CORIN: variants seen among roughly 807,000 people sequenced by gnomAD.
The protein encoded by CORIN is atrial natriuretic peptide-converting enzyme.
CORIN carries 117 observed loss-of-function variants against 125.3 expected under a neutral mutation model. The ratio of observed to expected loss-of-function variants is 0.93; its 90% CI spans 0.80 to 1.09. CORIN has a LOEUF of 1.09. Ranked by LOEUF, CORIN falls within the 50% of genes least tolerant of loss-of-function variation. CORIN has a pLI of 0.00. For missense variants in CORIN, 1,253 were observed against 1,306.7 expected (o/e 0.96, Z 0.63); for synonymous variants, 450 against 466.4 (o/e 0.96, Z 0.45).
At chr4:47,632,229 A>G (rs1722833708) in intron 16 of CORIN, 1 of 152,228 alleles carries the variant, frequency 6.6e-6, no homozygotes. Flanking sequence ...ACTTCAGTTG[A>G]AGGATAAGGT....
intron 10 of CORIN, among the ~76,000 whole-genome samples, chr4:47,667,073 C>T (rs1257318178): frequency 1.3e-5 from 2 of 152,094 alleles, no homozygotes; most frequent in African/African-American, 4.8e-5. Flanking sequence ...GCAGTTTTCC[C>T]CATACTGTTC....
At position 47,744,011 on chromosome 4, in the gene CORIN, A is replaced by G. The variant is rs368858638; in HGVS notation, c.799+391T>C. ...ATATATTTTGGTTCAATCATATATT[A>G]GAATGCTGTATAACAATGAGAATGA... On this transcript the variant is annotated intron_variant, in intron 5 of 21. Transcript: ENST00000273857. 1.2e-4 allele frequency among the ~76,000 whole-genome samples: 19 copies of G among 152,378 alleles called. 1 individual carries two copies. The South Asian group carries it at 1.4e-3, about 12-fold the overall frequency.
chr4:47,775,099 G>T lies in CORIN; in HGVS notation c.410-11513C>A, dbSNP rs1730230591. On this transcript the variant is annotated intron_variant, in intron 3 of 21. Coordinates refer to ENST00000273857, the MANE Select transcript of CORIN (RefSeq NM_006587.4). Reference sequence around the variant, plus strand: ...TTTCTTTTTAACAATAAAGAAATTAGAGATAGGACAAGATGGCTGACTAGA... The same window carrying T: ...TTTCTTTTTAACAATAAAGAAATTATAGATAGGACAAGATGGCTGACTAGA... Among the ~76,000 whole-genome samples the T allele has an allele frequency of 2.0e-5, 3 of 152,188 alleles. No homozygotes were observed. In the South Asian group the frequency reaches 6.2e-4, roughly 32 times the overall value.
At chr4:47,772,131 G>A (rs1389793030) in intron 3 of CORIN, among the ~76,000 whole-genome samples, 1 of 146,228 alleles carries the variant, frequency 6.8e-6, no homozygotes, top group Non-Finnish European at 1.5e-5. Flanking sequence ...ATAGATAATT[G>A]TCTCTATCTT....
chr4:47,658,442 G>C (rs1449387466), intron 12 of CORIN, among the ~76,000 whole-genome samples: 2 of 152,228 alleles, frequency 1.3e-5, no homozygotes, highest in African/African-American at 4.8e-5. Flanking sequence ...TACCATTCTG[G>C]AGTCTGGAGG....
At chr4:47,746,378 G>C (rs184302784) in intron 4 of CORIN, among the ~76,000 whole-genome samples, 105 of 152,278 alleles carry the variant, frequency 6.9e-4, no homozygotes, top group African/African-American at 2.5e-3. Context: ...AATAAGGAAA[G>C]AAGCACAGAC....
intron 10 of CORIN, 39 bp downstream of exon 10, chr4:47,674,354 C>T: frequency 1.5e-6 from 2 of 1,337,188 alleles, no homozygotes; most frequent in Non-Finnish European, 2.2e-6. Context: ...GAATGCATGC[C>T]CTGACATGGC....
chr4:47,600,164 C>A, intron 21 of CORIN, 50 bp downstream of exon 21: 2 of 1,550,024 alleles, frequency 1.3e-6, no homozygotes, highest in South Asian at 2.4e-5. Flanking sequence ...TAGGAATCCA[C>A]TGAAGTTATT....
chr4:47,767,434 A>G (rs1411866385), intron 3 of CORIN, among the ~76,000 whole-genome samples: 5 of 152,186 alleles, frequency 3.3e-5, no homozygotes, highest in Admixed American at 2.0e-4. Flanking sequence ...GAAAGCTGGT[A>G]TGGCTATTGG....
intron 19 of CORIN, among the ~76,000 whole-genome samples, chr4:47,615,740 T>C (rs561895283): frequency 2.0e-5 from 3 of 152,294 alleles, no homozygotes; most frequent in South Asian, 4.1e-4. Flanking sequence ...TGCCAGTACC[T>C]TGATCCTGAA....
intron 5 of CORIN, among the ~76,000 whole-genome samples, chr4:47,707,292 C>T (rs888771977): frequency 5.9e-5 from 9 of 152,132 alleles, no homozygotes; most frequent in African/African-American, 2.2e-4. Context: ...AGAAAACTAC[C>T]AACTTTTCTC....
intron 1 of CORIN, among the ~76,000 whole-genome samples, chr4:47,823,333 T>C (rs1022752185): frequency 6.6e-6 from 1 of 152,182 alleles, no homozygotes; most frequent in African/African-American, 2.4e-5. Flanking sequence ...TGAATTCATC[T>C]GCTACTAGCC....
At chr4:47,678,912 G>A (rs983705890) in intron 8 of CORIN, among the ~76,000 whole-genome samples, 3 of 152,300 alleles carry the variant, frequency 2.0e-5, no homozygotes, top group South Asian at 4.1e-4. Flanking sequence ...GCAAGGACTC[G>A]GAGGACATCC....
At chr4:47,806,559 C>T (rs1731805633) in intron 2 of CORIN, among the ~76,000 whole-genome samples, 1 of 152,182 alleles carries the variant, frequency 6.6e-6, no homozygotes, top group Non-Finnish European at 1.5e-5. Context: ...CTATCTTAAA[C>T]ACGTGTTGCC....
At chr4:47,766,081 T>A (rs1239076778) in intron 3 of CORIN, among the ~76,000 whole-genome samples, 2 of 152,216 alleles carry the variant, frequency 1.3e-5, no homozygotes, top group African/African-American at 4.8e-5. Context: ...GAGCTCAAAA[T>A]CGAATCTGGA....
At position 47,837,924 on chromosome 4, in the gene CORIN, G is replaced by A; in HGVS notation, c.26C>T (p.Pro9Leu). 1.2e-6 allele frequency: 2 copies of A among 1,613,616 alleles called. No homozygotes were observed. Among genetic ancestry groups the A allele is most frequent in the Non-Finnish European group, 8.5e-7 (1 of 1,180,022 alleles). Residue 9 changes from proline to leucine, a missense_variant, in exon 1 of 22, where the codon CCG becomes CTG. Coordinates refer to ENST00000273857, the MANE Select transcript of CORIN (RefSeq NM_006587.4). MKQSPALA[P>L]EERCRRAGSP... ...CCCGGCTCTGCGGCAGCGCTCTTCC[G>A]GAGCGAGGGCAGGAGACTGTTTCAT...
At chr4:47,644,631 A>C (rs1461100345) in intron 14 of CORIN, among the ~76,000 whole-genome samples, 1 of 152,218 alleles carries the variant, frequency 6.6e-6, no homozygotes, top group African/African-American at 2.4e-5. Flanking sequence ...GTAAACTTTT[A>C]AATATGACTT....
chr4:47,834,639 A>G (rs1439971374), intron 1 of CORIN, among the ~76,000 whole-genome samples: 5 of 152,212 alleles, frequency 3.3e-5, no homozygotes, highest in African/African-American at 4.8e-5. Flanking sequence ...AATAATAAAG[A>G]TGGCAGAAGG....
intron 3 of CORIN, among the ~76,000 whole-genome samples, chr4:47,764,188 G>C (rs1371667552): frequency 6.6e-6 from 1 of 152,170 alleles, no homozygotes; most frequent in African/African-American, 2.4e-5. Context: ...ATAAGTAAAA[G>C]TAGGAAGTCA....
Sources: gnomAD v4.1 joint callset for allele counts (sites outside exome capture counted in the v4.1 genomes callset) on GRCh38, gnomAD v4.1.1 for gene constraint, MANE v1.5 for transcripts, NCBI Gene and HGNC (gene_info 2026-07-23, HGNC 2026-07-21) for gene names.